Variants in PPIL2 observed in about 807,000 individuals in gnomAD.
The protein encoded by PPIL2 is RING-type E3 ubiquitin-protein ligase PPIL2.
Under a neutral mutation model 75.2 loss-of-function variants are expected in PPIL2, and 50 were observed. That is an observed-to-expected ratio of 0.66 (90% CI 0.53 to 0.84). The LOEUF (loss-of-function observed/expected upper bound fraction) is 0.84, where lower values mean the gene tolerates loss of function less well. Ranked by LOEUF, PPIL2 falls within the 40% of genes least tolerant of loss-of-function variation. The pLI is 0.00. For missense variants in PPIL2, 590 were observed against 685.0 expected, an observed-to-expected ratio of 0.86 and a Z score of 1.55; for synonymous variants, 245 against 258.8, an observed-to-expected ratio of 0.95 and a Z score of 0.51.
rs1420108894 is a variant in PPIL2 at position 21,681,321 on chromosome 22, G to A, written c.318G>A (p.Leu106=). ...NSEGKYHCPV[L]FTVFTNNTHI... ...TAGGGAAGTACCACTGCCCAGTGCT[G>A]TTTACCGTGTTCACCAACAACACCC... The change falls in exon 7 of 20, where the codon CTG becomes CTA. Residue 106 remains leucine, a synonymous_variant. Coordinates refer to ENST00000398831, the MANE Select transcript of PPIL2 (RefSeq NM_014337.4). The A allele has an allele frequency of 1.9e-6, 3 of 1,614,030 alleles. No homozygotes were observed. Among genetic ancestry groups the A allele is most frequent in the Non-Finnish European group, 1.7e-6 (2 of 1,179,878 alleles).
At chr22:21,689,959 C>T (rs552589309) in intron 15 of PPIL2, among the ~76,000 whole-genome samples, 86 of 152,300 alleles carry the variant, frequency 5.6e-4, no homozygotes, top group African/African-American at 1.9e-3. Context: ...TCGCCGTGGC[C>T]TTCTGCCAGC....
chr22:21,668,141 C>T (rs536654050), intron 1 of PPIL2, among the ~76,000 whole-genome samples: 1 of 137,658 alleles, frequency 7.3e-6, no homozygotes, highest in Non-Finnish European at 1.6e-5. Context: ...GCCTGCTCCT[C>T]CCTGTAAACT....
intron 11 of PPIL2, 83 bp downstream of exon 11, chr22:21,686,641 T>C (rs1457653633): frequency 7.1e-7 from 1 of 1,409,118 alleles, no homozygotes; most frequent in East Asian, 2.3e-5. Context: ...TCCCACTTTA[T>C]TGGTCTGTCA....
chr22:21,688,095 G>T lies in PPIL2; in HGVS notation c.1010G>T (p.Gly337Val), dbSNP rs374614644. The T allele has an allele frequency of 1.2e-6, 2 of 1,614,066 alleles. No individual in the cohort carries two copies. The highest frequency in any genetic ancestry group is 2.7e-5 in the African/African-American group (2 of 74,936). ...CAGATCCAAGGGGGCGACCCCACAGGCACAGGCACGGGTAGGTACTGGTGC... is the reference window on the plus strand; with the variant it reads ...CAGATCCAAGGGGGCGACCCCACAGTCACAGGCACGGGTAGGTACTGGTGC... ...NFVIQGGDPT[G>V]TGTGGESYWG... is the part of the protein sequence containing the mutation. The change falls in exon 14 of 20, where the codon GGC becomes GTC. Residue 337 changes from glycine to valine, a missense_variant. By Grantham distance (109) the Gly-to-Val change is moderately radical. Coordinates refer to ENST00000398831, the MANE Select transcript of PPIL2 (RefSeq NM_014337.4).
At chr22:21,682,833 A>G (rs536984232) in intron 8 of PPIL2, among the ~76,000 whole-genome samples, 29 of 152,352 alleles carry the variant, frequency 1.9e-4, no homozygotes, top group African/African-American at 5.8e-4. Flanking sequence ...TGCTGAGTCA[A>G]TCACCTCTGT....
At chr22:21,667,404 C>T (rs981831956) in intron 1 of PPIL2, among the ~76,000 whole-genome samples, 4 of 151,982 alleles carry the variant, frequency 2.6e-5, no homozygotes, top group African/African-American at 9.7e-5. Context: ...GATCCACCTG[C>T]CTCGGCCTCC....
At chr22:21,671,442 A>G (rs993899334) in intron 4 of PPIL2, among the ~76,000 whole-genome samples, 9 of 152,246 alleles carry the variant, frequency 5.9e-5, no homozygotes, top group African/African-American at 2.2e-4. Context: ...AACATGATTG[A>G]GATAACACTG....
intron 13 of PPIL2, 38 bp downstream of exon 13, chr22:21,687,770 G>C: frequency 1.3e-6 from 2 of 1,582,034 alleles, no homozygotes; most frequent in Non-Finnish European, 1.7e-6. Context: ...AGATGAGCTT[G>C]GTGGGACATC....
Position 21,697,134 on chromosome 22 carries a change from C to T in PPIL2, c.*1644C>T. The T allele has an allele frequency of 2.4e-6, 2 of 824,678 alleles. No homozygotes were observed. Among genetic ancestry groups the T allele is most frequent in the Non-Finnish European group, 3.7e-6 (2 of 538,214 alleles). 51.1% of individuals were successfully genotyped at this position (824,678 alleles called of 1,614,324 possible). A position where few individuals can be genotyped will look rare whatever the true frequency, so the allele number is the denominator to read the frequency against. Reference sequence around the variant, plus strand: ...TCCGCAAGGCCTGGTGCAGCCCTGGCAGTAACTGGCTTGTAAGAGGCTCAG... The same window carrying T: ...TCCGCAAGGCCTGGTGCAGCCCTGGTAGTAACTGGCTTGTAAGAGGCTCAG... On this transcript the variant is annotated 3_prime_UTR_variant, in exon 20 of 20. Coordinates refer to ENST00000398831, the MANE Select transcript of PPIL2 (RefSeq NM_014337.4).
At chr22:21,689,042 C>T (rs1032821713) in intron 15 of PPIL2, among the ~76,000 whole-genome samples, 193 bp downstream of exon 15, 8 of 152,338 alleles carry the variant, frequency 5.3e-5, no homozygotes, top group African/African-American at 1.4e-4. Context: ...GAGAGCTGCC[C>T]GCACCGGGTG....
At chr22:21,691,829 C>G (rs1293057769) in intron 15 of PPIL2, among the ~76,000 whole-genome samples, 2 of 152,210 alleles carry the variant, frequency 1.3e-5, no homozygotes, top group African/African-American at 4.8e-5. Context: ...CAGGTCAGAG[C>G]TCAGGTCTGC....
chr22:21,681,169 T>C, intron 6 of PPIL2, 130 bp from the exon 7 acceptor site: 1 of 715,678 alleles, frequency 1.4e-6, no homozygotes, highest in South Asian at 1.7e-5. Context: ...CTCTGGCAGC[T>C]GACATGGGGT....
intron 15 of PPIL2, among the ~76,000 whole-genome samples, chr22:21,692,230 A>G (rs1170498368): frequency 4.7e-5 from 7 of 149,092 alleles, no homozygotes; most frequent in Middle Eastern, 3.5e-3. Context: ...ATCTCGGCTC[A>G]CTGCAAGCTC....
rs1253303270 is a variant in PPIL2, at chr22:21,695,412, A to C, written c.1485A>C (p.Glu495Asp). 1.2e-6 allele frequency: 2 copies of C among 1,609,412 alleles called. No individual in the cohort carries two copies. The highest frequency in any genetic ancestry group is 3.4e-5 in the Admixed American group (2 of 59,424). The change falls in exon 20 of 20, where the codon GAA becomes GAC. Residue 495 changes from glutamate (E) to aspartate (D), a missense_variant. By Grantham distance (45) the Glu-to-Asp change is conservative. Transcript: ENST00000398831. ...NPAATKRAAE[E>D]EPSTSATVPM... ...TTCCCAGGAAGCGAGCAGCAGAGGA[A>C]GAGCCCTCAACCAGTGCCACTGTCC...
chr22:21,690,481 G>A (rs2148563624), intron 15 of PPIL2, among the ~76,000 whole-genome samples: 1 of 152,216 alleles, frequency 6.6e-6, no homozygotes, highest in South Asian at 2.1e-4. Context: ...TCATTTCAGG[G>A]TTAACGGGCA....
At chr22:21,668,735 G>A (rs1267065868) in intron 1 of PPIL2, among the ~76,000 whole-genome samples, 34 of 146,916 alleles carry the variant, frequency 2.3e-4, no homozygotes, top group African/African-American at 7.0e-4. Flanking sequence ...TTTTTGAGAC[G>A]GAGTCTCGCT....
At chr22:21,666,228 C>G in intron 1 of PPIL2, 97 bp downstream of exon 1, 1 of 1,389,190 alleles carries the variant, frequency 7.2e-7, no homozygotes, top group Non-Finnish European at 9.9e-7. Flanking sequence ...CAGCTACTCC[C>G]CAGAGCACAG....
In PPIL2 at chr22:21,696,514, C is replaced by T. The variant is rs779576790; in HGVS notation, c.*1024C>T. 2.4e-5 allele frequency: 31 copies of T among 1,298,670 alleles called. No homozygotes were observed. The highest frequency in any genetic ancestry group is 3.0e-5 in the Non-Finnish European group (30 of 1,014,714). The allele number at this position is 1,298,670 out of a possible 1,614,324, so 80.4% of individuals were successfully genotyped here. A position where few individuals can be genotyped will look rare whatever the true frequency, so the allele number is the denominator to read the frequency against. On this transcript the variant is annotated 3_prime_UTR_variant, in exon 20 of 20. Coordinates refer to ENST00000398831, the MANE Select transcript of PPIL2 (RefSeq NM_014337.4). Reference sequence around the variant, plus strand: ...AGCAGCCCTTAAAGAAAGACCCCTCCCTCAACCCCCATTTTTCTGTTAAAT... The same window carrying T: ...AGCAGCCCTTAAAGAAAGACCCCTCTCTCAACCCCCATTTTTCTGTTAAAT...
Position 21,695,800 on chromosome 22 carries a change from G to A in PPIL2, c.*310G>A, listed in dbSNP as rs116594253. On this transcript the variant is annotated 3_prime_UTR_variant, in exon 20 of 20. Transcript: ENST00000398831. ...CCCCTCTAGTAGGCAGGCCAGGTTA[G>A]TGAGGAAGGACTGTGTCTCCAGATT... 5,181 of 1,210,792 alleles carry A rather than the reference G, an allele frequency of 4.3e-3. 171 individuals carry two copies. The African/African-American group carries it at 0.072, about 17-fold the overall frequency. The allele number at this position is 1,210,792 out of a possible 1,614,324, so 75.0% of individuals were successfully genotyped here.
Sources: gnomAD v4.1 joint callset for allele counts (sites outside exome capture counted in the v4.1 genomes callset) on GRCh38, gnomAD v4.1.1 for gene constraint, MANE v1.5 for transcripts, NCBI Gene and HGNC (gene_info 2026-07-23, HGNC 2026-07-21) for gene names.